ATP8A2: variants seen among roughly 807,000 people sequenced by gnomAD.
ATP8A2 encodes ATPase phospholipid transporting 8A2.
In ATP8A2, 100 loss-of-function variants were observed where a neutral mutation model predicts 165.6. That is an observed-to-expected ratio of 0.60 (90% CI 0.51 to 0.71). The LOEUF (loss-of-function observed/expected upper bound fraction) is 0.71, where lower values mean the gene tolerates loss of function less well. Among genes scored for constraint, ATP8A2 ranks in the 30% least tolerant of loss-of-function variants. ATP8A2 has a pLI of 0.00. For missense variants in ATP8A2, 1,227 were observed against 1,479.5 expected (o/e 0.83, Z 2.80); for synonymous variants, 543 against 548.8 (o/e 0.99, Z 0.15).
At chr13:25,617,279 T>C (rs1185426190) in intron 24 of ATP8A2, among the ~76,000 whole-genome samples, 1 of 152,242 alleles carries the variant, frequency 6.6e-6, no homozygotes, top group Non-Finnish European at 1.5e-5. Context: ...ATACACAATT[T>C]ATTTATCATT....
intron 24 of ATP8A2, among the ~76,000 whole-genome samples, chr13:25,614,355 T>C (rs368820248): frequency 1.3e-4 from 20 of 152,286 alleles, no homozygotes; most frequent in Admixed American, 1.2e-3. Context: ...TCCTTCATTT[T>C]TAGAGGTTGT....
intron 30 of ATP8A2, among the ~76,000 whole-genome samples, chr13:25,851,906 G>C (rs1375348851): frequency 2.0e-5 from 3 of 152,100 alleles, no homozygotes; most frequent in Non-Finnish European, 4.4e-5. Context: ...AGGCTGGAGT[G>C]CAGTGGCATG....
At chr13:25,961,704 T>C (rs1007802609) in intron 34 of ATP8A2, 41 bp downstream of exon 34, 1 of 1,442,560 alleles carries the variant, frequency 6.9e-7, no homozygotes, top group African/African-American at 1.4e-5. Flanking sequence ...GTCTGGCTCA[T>C]CTGTCCCTGG....
intron 4 of ATP8A2, 132 bp downstream of exon 4, chr13:25,530,792 T>G (rs1218231418): frequency 6.4e-6 from 4 of 624,856 alleles, no homozygotes; most frequent in Non-Finnish European, 8.5e-6. Context: ...CCTGATGGTA[T>G]TTTTAGGGGG....
intron 24 of ATP8A2, among the ~76,000 whole-genome samples, chr13:25,605,041 G>A (rs1025964301): frequency 1.1e-4 from 16 of 152,200 alleles, no homozygotes; most frequent in Non-Finnish European, 2.2e-4. Context: ...CATGAAAAAT[G>A]TTGAATGTCA....
At chr13:25,841,925 G>T (rs2138669239) in intron 30 of ATP8A2, among the ~76,000 whole-genome samples, 1 of 152,248 alleles carries the variant, frequency 6.6e-6, no homozygotes. Flanking sequence ...AGAGAGAGAA[G>T]GAAGGAACCC....
At chr13:25,603,846 T>A (rs995738149) in intron 24 of ATP8A2, among the ~76,000 whole-genome samples, 3 of 152,210 alleles carry the variant, frequency 2.0e-5, no homozygotes, top group Middle Eastern at 3.4e-3. Context: ...TTTTTGGGCA[T>A]TTTAAGGTTG....
At chr13:25,648,794 G>A (rs1418365186) in intron 24 of ATP8A2, among the ~76,000 whole-genome samples, 2 of 152,252 alleles carry the variant, frequency 1.3e-5, no homozygotes, top group South Asian at 4.2e-4. Context: ...GTAAATACTT[G>A]TTATATTGTA....
intron 24 of ATP8A2, among the ~76,000 whole-genome samples, chr13:25,636,391 G>T (rs1202303086): frequency 6.6e-6 from 1 of 152,138 alleles, no homozygotes; most frequent in Non-Finnish European, 1.5e-5. Context: ...TGTTTTATAT[G>T]CATGGGGTAT....
At chr13:25,507,219 T>TTGTGTGTGTGTGTGTGTGTGTGTGTGTG (rs560460756) in intron 2 of ATP8A2, among the ~76,000 whole-genome samples, 1 of 126,936 alleles carries the variant, frequency 7.9e-6, no homozygotes, top group African/African-American at 3.1e-5. Context: ...GTACCATTCT[T>TTGTGTGTGTGTGTGTGTGTGTGTGTGTG]TGTGTGTGTG....
At chr13:25,787,003 A>G (rs1480536789) in intron 27 of ATP8A2, among the ~76,000 whole-genome samples, 1 of 152,180 alleles carries the variant, frequency 6.6e-6, no homozygotes, top group Non-Finnish European at 1.5e-5. Flanking sequence ...GGCTTGTCTC[A>G]AACTCTTGGC....
At chr13:25,465,217 G>C (rs1305586586) in intron 1 of ATP8A2, among the ~76,000 whole-genome samples, 1 of 152,108 alleles carries the variant, frequency 6.6e-6, no homozygotes, top group Admixed American at 6.5e-5. Flanking sequence ...GTTTCCTTAG[G>C]CAATATGTTT....
At chr13:25,613,081 A>T (rs2040730736) in intron 24 of ATP8A2, among the ~76,000 whole-genome samples, 1 of 152,130 alleles carries the variant, frequency 6.6e-6, no homozygotes, top group African/African-American at 2.4e-5. Flanking sequence ...CCATTCTGCC[A>T]TTCTGTATAT....
chr13:25,777,637 C>G (rs1414918080), intron 27 of ATP8A2, among the ~76,000 whole-genome samples: 1 of 152,086 alleles, frequency 6.6e-6, no homozygotes, highest in East Asian at 1.9e-4. Context: ...AAAATGTAGT[C>G]TAAAGGCAAT....
chr13:25,990,030 C>G (rs952184879), intron 35 of ATP8A2, among the ~76,000 whole-genome samples: 2 of 152,194 alleles, frequency 1.3e-5, no homozygotes, highest in Admixed American at 1.3e-4. Context: ...CCTCCCTTCC[C>G]CTTCCAGGAA....
intron 33 of ATP8A2, among the ~76,000 whole-genome samples, chr13:25,896,697 C>G (rs1271542083): frequency 1.3e-5 from 2 of 152,134 alleles, no homozygotes; most frequent in Admixed American, 6.5e-5. Context: ...TAAGGACTTG[C>G]TTTATGAATC....
intron 33 of ATP8A2, among the ~76,000 whole-genome samples, chr13:25,864,220 G>A (rs934545561): frequency 2.6e-5 from 4 of 152,326 alleles, no homozygotes; most frequent in African/African-American, 9.6e-5. Context: ...CATAGACAGT[G>A]TTCTAAATTA....
chr13:25,395,375 G>A (rs1003320531), intron 1 of ATP8A2, among the ~76,000 whole-genome samples: 1 of 151,970 alleles, frequency 6.6e-6, no homozygotes, highest in East Asian at 1.9e-4. Flanking sequence ...TCTGTGGCTT[G>A]TAGGGGTCAA....
At chr13:25,603,014 G>A (rs1469611681) in intron 24 of ATP8A2, among the ~76,000 whole-genome samples, 7 of 152,156 alleles carry the variant, frequency 4.6e-5, no homozygotes, top group East Asian at 3.9e-4. Context: ...GAAGGTTGCC[G>A]TGAGCCGAGA....
Sources: gnomAD v4.1 joint callset for allele counts (sites outside exome capture counted in the v4.1 genomes callset) on GRCh38, gnomAD v4.1.1 for gene constraint, MANE v1.5 for transcripts, NCBI Gene and HGNC (gene_info 2026-07-23, HGNC 2026-07-21) for gene names.